Variants in DAB1 observed in about 807,000 individuals in gnomAD.
The protein encoded by DAB1 is disabled homolog 1.
A neutral mutation model predicts 64.6 loss-of-function variants in DAB1; 15 were observed. That is an observed-to-expected ratio of 0.23 (90% confidence interval 0.16 to 0.36). The LOEUF is 0.36. Ranked by LOEUF, DAB1 falls within the 10% of genes least tolerant of loss-of-function variation. The pLI is 1.00. For missense variants in DAB1, 596 were observed against 706.7 expected (o/e 0.84, Z 1.78); for synonymous variants, 235 against 251.9 (o/e 0.93, Z 0.64).
intron 4 of DAB1, among the ~76,000 whole-genome samples, chr1:57,099,012 A>AG (rs1654423744): frequency 6.6e-6 from 1 of 152,234 alleles, no homozygotes; most frequent in Admixed American, 6.5e-5. Flanking sequence ...GAATCTCAGT[A>AG]TCTTCATCTG....
At chr1:57,187,688 G>C (rs572034812) in intron 2 of DAB1, among the ~76,000 whole-genome samples, 2 of 152,316 alleles carry the variant, frequency 1.3e-5, no homozygotes, top group East Asian at 3.9e-4. Context: ...TAAAACTGGG[G>C]CTAAAAAGAG....
chr1:57,562,018 T>C (rs1366181161), intron 7 of DAB1, among the ~76,000 whole-genome samples: 1 of 152,226 alleles, frequency 6.6e-6, no homozygotes, highest in Non-Finnish European at 1.5e-5. Context: ...GAATGCCTTA[T>C]CCACTGTCAT....
intron 6 of DAB1, among the ~76,000 whole-genome samples, chr1:57,767,146 C>A (rs1355231112): frequency 6.6e-6 from 1 of 151,934 alleles, no homozygotes; most frequent in Non-Finnish European, 1.5e-5. Context: ...ACAAATCTTC[C>A]TACCTCCACA....
chr1:57,735,699 A>G (rs1647660471), intron 6 of DAB1, among the ~76,000 whole-genome samples: 2 of 151,796 alleles, frequency 1.3e-5, no homozygotes, highest in Non-Finnish European at 2.9e-5. Context: ...ATAGTTGAAA[A>G]AAATTCATTC....
intron 4 of DAB1, among the ~76,000 whole-genome samples, chr1:58,339,603 T>C (rs2100503579): frequency 6.6e-6 from 1 of 152,250 alleles, no homozygotes; most frequent in Admixed American, 6.5e-5. Context: ...CTCACTAAAC[T>C]TTGTAAAATT....
chr1:57,433,851 C>CAAAAAAAA (rs59390528), intron 7 of DAB1, among the ~76,000 whole-genome samples: 1 of 108,814 alleles, frequency 9.2e-6, no homozygotes. Context: ...GACAGCTCAC[C>CAAAAAAAA]AAAAAAAAAA....
At chr1:57,952,856 A>C (rs1489505066) in intron 5 of DAB1, among the ~76,000 whole-genome samples, 1 of 152,196 alleles carries the variant, frequency 6.6e-6, no homozygotes, top group East Asian at 1.9e-4. Context: ...CCAGCTGCAC[A>C]GATGGGAAGT....
chr1:58,054,016 A>G (rs1366760207), intron 5 of DAB1, among the ~76,000 whole-genome samples: 1 of 152,250 alleles, frequency 6.6e-6, no homozygotes, highest in Non-Finnish European at 1.5e-5. Flanking sequence ...GAAGTTAGAA[A>G]GGAAGAATAA....
chr1:57,164,737 T>G (rs1488051914), intron 2 of DAB1, among the ~76,000 whole-genome samples: 1 of 152,148 alleles, frequency 6.6e-6, no homozygotes, highest in African/African-American at 2.4e-5. Flanking sequence ...GAGAAAGCAC[T>G]GCTGGGGCTC....
chr1:57,366,500 G>T (rs1328649213), intron 1 of DAB1, among the ~76,000 whole-genome samples: 1 of 152,222 alleles, frequency 6.6e-6, no homozygotes. Flanking sequence ...GTCACTGAAT[G>T]TCAGAGCTGA....
intron 5 of DAB1, among the ~76,000 whole-genome samples, chr1:58,105,545 G>C (rs755008021): frequency 1.3e-5 from 2 of 152,132 alleles, no homozygotes; most frequent in Admixed American, 1.3e-4. Flanking sequence ...CCCTACTATC[G>C]ATGCAAACAT....
At chr1:57,486,077 G>C (rs1644088602) in intron 7 of DAB1, among the ~76,000 whole-genome samples, 1 of 152,034 alleles carries the variant, frequency 6.6e-6, no homozygotes, top group African/African-American at 2.4e-5. Context: ...TGATCCTTAG[G>C]AGTAAATTCA....
intron 6 of DAB1, among the ~76,000 whole-genome samples, chr1:57,696,160 T>C (rs770757433): frequency 1.3e-5 from 2 of 152,148 alleles, no homozygotes; most frequent in African/African-American, 2.4e-5. Context: ...CCTAACCTTC[T>C]AGGAAATTGT....
chr1:57,926,753 T>G (rs966894028), intron 5 of DAB1, among the ~76,000 whole-genome samples: 1 of 152,248 alleles, frequency 6.6e-6, no homozygotes, highest in Non-Finnish European at 1.5e-5. Context: ...AAGTTTGTAG[T>G]CATGAACTGA....
At chr1:58,454,757 G>A (rs1645177062) in intron 3 of DAB1, among the ~76,000 whole-genome samples, 1 of 152,134 alleles carries the variant, frequency 6.6e-6, no homozygotes, top group Non-Finnish European at 1.5e-5. Flanking sequence ...CCTGTTCACA[G>A]ACAAAACAAT....
chr1:58,231,639 A>G (rs1659778008), intron 4 of DAB1, among the ~76,000 whole-genome samples: 1 of 152,212 alleles, frequency 6.6e-6, no homozygotes, highest in South Asian at 2.1e-4. Flanking sequence ...ATAACATTCT[A>G]CACTGTATAG....
intron 4 of DAB1, among the ~76,000 whole-genome samples, chr1:57,072,836 T>A (rs1651630336): frequency 6.6e-6 from 1 of 152,208 alleles, no homozygotes; most frequent in Non-Finnish European, 1.5e-5. Flanking sequence ...CCAGGGAGTA[T>A]TATTAACATT....
chr1:58,134,565 C>T (rs1453095555), intron 5 of DAB1, among the ~76,000 whole-genome samples: 2 of 152,052 alleles, frequency 1.3e-5, no homozygotes, highest in Non-Finnish European at 2.9e-5. Flanking sequence ...GCTGTACAGG[C>T]GTCTTCTTCT....
intron 1 of DAB1, among the ~76,000 whole-genome samples, chr1:57,362,982 T>C (rs543415590): frequency 1.3e-5 from 2 of 152,348 alleles, no homozygotes; most frequent in South Asian, 4.1e-4. Flanking sequence ...GGACTAAATA[T>C]AGTAAAACTC....
Sources: allele counts gnomAD v4.1 joint callset (sites outside exome capture counted in the v4.1 genomes callset), GRCh38; gene constraint gnomAD v4.1.1; transcripts MANE v1.5; gene names NCBI Gene and HGNC (gene_info 2026-07-23, HGNC 2026-07-21).